Variants in SCHIP1 observed in about 807,000 individuals in gnomAD.
The protein encoded by SCHIP1 is schwannomin interacting protein 1, also known as schwannomin-interacting protein 1.
A neutral mutation model predicts 29.7 loss-of-function variants in SCHIP1; 8 were observed. That is an observed-to-expected ratio of 0.27 (90% CI 0.16 to 0.49). The LOEUF (loss-of-function observed/expected upper bound fraction) is 0.49, where lower values mean the gene tolerates loss of function less well. Ranked by LOEUF, SCHIP1 falls within the 20% of genes least tolerant of loss-of-function variation. The pLI, the probability that SCHIP1 is intolerant of heterozygous loss-of-function variation, is 0.99. For missense variants in SCHIP1, 193 were observed against 294.6 expected, an observed-to-expected ratio of 0.66 and a Z score of 2.52; for synonymous variants, 76 against 94.9, an observed-to-expected ratio of 0.80 and a Z score of 1.16.
At chr3:159,385,413 C>T in the SCHIP1 span, among the ~76,000 whole-genome samples, 1 of 151,912 alleles carries the variant, frequency 6.6e-6, no homozygotes, top group African/African-American at 2.4e-5. Context: ...GAAAAATTAG[C>T]AGGTATGGTG....
the SCHIP1 span, among the ~76,000 whole-genome samples, chr3:159,419,991 G>T: frequency 6.6e-6 from 1 of 152,122 alleles, no homozygotes; most frequent in Admixed American, 6.5e-5. Context: ...TCTGCCTATT[G>T]TCTGAAAACT....
chr3:159,363,118 A>G, the SCHIP1 span, among the ~76,000 whole-genome samples: 120,590 of 152,106 alleles, frequency 0.79, 48,330 homozygotes, highest in African/African-American at 0.87. Context: ...TCCCTTGAGT[A>G]TGTATAGTTG....
At chr3:159,620,644 T>A in the SCHIP1 span, among the ~76,000 whole-genome samples, 1 of 152,240 alleles carries the variant, frequency 6.6e-6, no homozygotes, top group Non-Finnish European at 1.5e-5. Flanking sequence ...AAGGCACCAT[T>A]GGAGGCAGAC....
the SCHIP1 span, among the ~76,000 whole-genome samples, chr3:159,307,003 G>GAAAAAACAGATT: frequency 6.6e-6 from 1 of 152,074 alleles, no homozygotes; most frequent in South Asian, 2.1e-4. Flanking sequence ...AGAAGGAAGA[G>GAAAAAACAGATT]AAAAAACAGA....
the SCHIP1 span, among the ~76,000 whole-genome samples, chr3:159,682,581 C>T: frequency 2.4e-4 from 36 of 152,270 alleles, no homozygotes; most frequent in Middle Eastern, 3.4e-3. Flanking sequence ...TAGAGGGAAA[C>T]TGTGTGCTTC....
chr3:159,494,053 A>G, the SCHIP1 span, among the ~76,000 whole-genome samples: 1 of 152,248 alleles, frequency 6.6e-6, no homozygotes, highest in Non-Finnish European at 1.5e-5. Flanking sequence ...TTTGAAACCA[A>G]CAAGAACAAA....
chr3:159,727,576 C>T, the SCHIP1 span, among the ~76,000 whole-genome samples: 2 of 152,112 alleles, frequency 1.3e-5, no homozygotes. Flanking sequence ...TTTTAAAGTG[C>T]TTAAGCATAG....
chr3:159,627,901 T>G, the SCHIP1 span, among the ~76,000 whole-genome samples: 1 of 152,200 alleles, frequency 6.6e-6, no homozygotes, highest in African/African-American at 2.4e-5. Context: ...GAAAGGTAGA[T>G]AAAACCCATA....
At chr3:159,411,984 CA>C in the SCHIP1 span, among the ~76,000 whole-genome samples, 1 of 152,128 alleles carries the variant, frequency 6.6e-6, no homozygotes, top group Non-Finnish European at 1.5e-5. Flanking sequence ...ATGCAACTAT[CA>C]ATATGTTTTT....
chr3:159,867,936 T>A (rs1328709380), intron 2 of SCHIP1, among the ~76,000 whole-genome samples: 1 of 137,986 alleles, frequency 7.2e-6, no homozygotes, highest in Middle Eastern at 3.8e-3. Context: ...GTCATATCCA[T>A]GTTACAAATG....
chr3:159,706,147 A>G, the SCHIP1 span, among the ~76,000 whole-genome samples: 1 of 152,168 alleles, frequency 6.6e-6, no homozygotes, highest in Non-Finnish European at 1.5e-5. Flanking sequence ...TATTCCTTCT[A>G]TCAATAGGTG....
chr3:159,313,416 A>G, the SCHIP1 span, among the ~76,000 whole-genome samples: 1 of 152,230 alleles, frequency 6.6e-6, no homozygotes, highest in Non-Finnish European at 1.5e-5. Flanking sequence ...TTGTTGGCAC[A>G]AATGCCACTG....
At chr3:159,407,719 A>G in the SCHIP1 span, among the ~76,000 whole-genome samples, 2 of 152,238 alleles carry the variant, frequency 1.3e-5, no homozygotes, top group Non-Finnish European at 2.9e-5. Flanking sequence ...CTGGAAATAA[A>G]TAACAAGAAG....
At chr3:159,450,834 A>G in the SCHIP1 span, among the ~76,000 whole-genome samples, 1 of 138,450 alleles carries the variant, frequency 7.2e-6, no homozygotes, top group Non-Finnish European at 1.5e-5. Flanking sequence ...TTTGAGACAG[A>G]GTCTCGCTCT....
At chr3:159,641,520 G>A in the SCHIP1 span, among the ~76,000 whole-genome samples, 5 of 152,106 alleles carry the variant, frequency 3.3e-5, no homozygotes, top group African/African-American at 1.2e-4. Flanking sequence ...ATACGAACAG[G>A]GCTTTTTATT....
chr3:159,334,643 TA>T, the SCHIP1 span, among the ~76,000 whole-genome samples: 1 of 152,196 alleles, frequency 6.6e-6, no homozygotes, highest in African/African-American at 2.4e-5. Context: ...ATTCAGCATG[TA>T]ACTTTTAGAG....
At chr3:159,273,950 C>T in the SCHIP1 span, 5 of 1,581,672 alleles carry the variant, frequency 3.2e-6, no homozygotes, top group Non-Finnish European at 4.3e-6. Flanking sequence ...AGAGAGAAAA[C>T]TTCAAAGTCG....
chr3:159,814,869 T>G, the SCHIP1 span, among the ~76,000 whole-genome samples: 1 of 152,206 alleles, frequency 6.6e-6, no homozygotes. Flanking sequence ...GAAATGATCC[T>G]AATTTCAGGG....
chr3:159,839,032 T>C (rs1470686998), upstream of SCHIP1, among the ~76,000 whole-genome samples: 2 of 152,164 alleles, frequency 1.3e-5, no homozygotes, highest in African/African-American at 4.8e-5. Context: ...GCTTGAAGAA[T>C]TTATAGCCCA....
Sources: gnomAD v4.1 joint callset for allele counts (sites outside exome capture counted in the v4.1 genomes callset) on GRCh38, gnomAD v4.1.1 for gene constraint, MANE v1.5 for transcripts, NCBI Gene and HGNC (gene_info 2026-07-23, HGNC 2026-07-21) for gene names.